ATP2A3: variants seen among roughly 807,000 people sequenced by gnomAD.
The protein encoded by ATP2A3 is ATPase sarcoplasmic/endoplasmic reticulum Ca2+ transporting 3.
A neutral mutation model predicts 106.8 loss-of-function variants in ATP2A3; 61 were observed. The observed-to-expected ratio is 0.57, with a 90% CI of 0.46 to 0.71. The LOEUF (loss-of-function observed/expected upper bound fraction) is 0.71. ATP2A3 is among the 30% of genes least tolerant of loss of function. The pLI is 0.00. For missense variants in ATP2A3, 1,201 were observed against 1,423.5 expected (o/e 0.84, Z 2.52); for synonymous variants, 611 against 609.3 (o/e 1.00, Z -0.04).
rs975802134 is a variant in ATP2A3, at chr17:3,936,863, G to A, written c.2322-394C>T. On this transcript the variant is annotated intron_variant, in intron 15 of 20. Coordinates refer to ENST00000397041, the MANE Select transcript of ATP2A3 (RefSeq NM_005173.4). The surrounding 1 kb of genome is among the most constrained non-coding windows in gnomAD (Gnocchi z 5.4). ...ACCTACATATCTGCCCTGAGGTGCAGAGATGCAGAATCCATCCATGTCCAG... is the reference window on the plus strand; with the variant it reads ...ACCTACATATCTGCCCTGAGGTGCAAAGATGCAGAATCCATCCATGTCCAG... 5.8e-6 allele frequency: 2 copies of A among 343,980 alleles called. No homozygotes were observed. The highest frequency in any genetic ancestry group is 1.1e-5 in the Non-Finnish European group (2 of 177,168). 21.3% of individuals were successfully genotyped at this position (343,980 alleles called of 1,614,324 possible). A position where few individuals can be genotyped will look rare whatever the true frequency, so the allele number is the denominator to read the frequency against.
At chr17:3,958,793 C>CACACAT (rs1431974303) in intron 1 of ATP2A3, among the ~76,000 whole-genome samples, 2 of 142,308 alleles carry the variant, frequency 1.4e-5, no homozygotes, top group African/African-American at 5.5e-5. Flanking sequence ...TATATATACA[C>CACACAT]ATATATATAC....
At chr17:3,964,096 T>G in intron 1 of ATP2A3, 78 bp downstream of exon 1, 1 of 770,040 alleles carries the variant, frequency 1.3e-6, no homozygotes. Flanking sequence ...CAGAGCCGGG[T>G]GGGGAGGCAG....
rs1223356641 is a variant in ATP2A3 at position 3,933,751 on chromosome 17, A to G, written c.2610+1441T>C. On this transcript the variant is annotated intron_variant, in intron 17 of 20. Transcript: ENST00000397041. ...ACTCCATCTCAAACAAACAAACAAA[A>G]AAAGACAGTGCGTCGGGCTGGAGCT... Among the ~76,000 whole-genome samples the G allele has an allele frequency of 3.0e-4, 46 of 151,096 alleles. 1 individual carries two copies. The highest frequency in any genetic ancestry group is 3.0e-3 in the Admixed American group (46 of 15,238).
In ATP2A3 at chr17:3,945,154, GA is replaced by G. The variant is rs2054039617; in HGVS notation, c.1096-7del. ...GCCTCGGCTACCACGAACATCTGGG[GA>G]GCGCAGGGGCGTGCTTAGGCGGGCG... On this transcript the variant is annotated splice_polypyrimidine_tract_variant and splice_region_variant and intron_variant, in intron 8 of 20. Coordinates refer to ENST00000397041, the MANE Select transcript of ATP2A3 (RefSeq NM_005173.4). The G allele has an allele frequency of 6.5e-7, 1 of 1,546,318 alleles. No homozygotes were observed. Among genetic ancestry groups the G allele is most frequent in the Admixed American group, 2.0e-5 (1 of 50,884 alleles).
intron 3 of ATP2A3, 108 bp from the exon 4 acceptor site, chr17:3,951,793 G>T (rs1351941031): frequency 2.7e-6 from 3 of 1,107,952 alleles, no homozygotes; most frequent in African/African-American, 1.5e-5. Context: ...TGGGGAGATA[G>T]CACTGGGGAG....
chr17:3,944,338 C>G (rs578093156), intron 10 of ATP2A3, among the ~76,000 whole-genome samples: 1 of 152,110 alleles, frequency 6.6e-6, no homozygotes, highest in Non-Finnish European at 1.5e-5. Context: ...TCCACTGCCC[C>G]GGCCACGTGA....
Position 3,944,818 on chromosome 17 carries a change from G to A in ATP2A3, c.1185-12C>T, listed in dbSNP as rs1205256092. The A allele has an allele frequency of 6.2e-7, 1 of 1,602,498 alleles. No homozygotes were observed. The highest frequency in any genetic ancestry group is 8.5e-7 in the Non-Finnish European group (1 of 1,174,716). Reference sequence around the variant, plus strand: ...GATCCCCCTGCCGCCTGCGGAGCCGGGGCGGTCACCAGGAGGACCTCGGCT... The same window carrying A: ...GATCCCCCTGCCGCCTGCGGAGCCGAGGCGGTCACCAGGAGGACCTCGGCT... On this transcript the variant is annotated splice_polypyrimidine_tract_variant and intron_variant, in intron 9 of 20. Coordinates refer to ENST00000397041, the MANE Select transcript of ATP2A3 (RefSeq NM_005173.4).
chr17:3,932,501 A>T (rs2053164872), intron 17 of ATP2A3, among the ~76,000 whole-genome samples: 1 of 152,154 alleles, frequency 6.6e-6, no homozygotes, highest in African/African-American at 2.4e-5. Context: ...GTGCAGTGGC[A>T]CGATCTCAGC....
At chr17:3,927,567 C>A in intron 20 of ATP2A3, 1 of 985,446 alleles carries the variant, frequency 1.0e-6, no homozygotes, top group Non-Finnish European at 1.2e-6. Context: ...CTTGGGCCCC[C>A]ATGGATGGGA....
At position 3,928,909 on chromosome 17, in the gene ATP2A3, G is replaced by A. The variant is rs189228825; in HGVS notation, c.2863-129C>T. 4.4e-5 allele frequency: 30 copies of A among 683,666 alleles called. No homozygotes were observed. The highest frequency in any genetic ancestry group is 6.3e-5 in the Non-Finnish European group (25 of 394,036). 42.3% of individuals were successfully genotyped at this position (683,666 alleles called of 1,614,324 possible). On this transcript the variant is annotated intron_variant, in intron 19 of 20. Coordinates refer to ENST00000397041, the MANE Select transcript of ATP2A3 (RefSeq NM_005173.4). The surrounding 1 kb of genome is among the most constrained non-coding windows in gnomAD (Gnocchi z 6.1). Reference sequence around the variant, plus strand: ...GAGCGCTCCTAAGAACCCCCTGGATGCACCCCCGATCTTTGTCCACTCAGC... The same window carrying A: ...GAGCGCTCCTAAGAACCCCCTGGATACACCCCCGATCTTTGTCCACTCAGC...
rs552925465 is a variant in ATP2A3 at position 3,947,308 on chromosome 17, G to A, written c.1095+83C>T. On this transcript the variant is annotated intron_variant, in intron 8 of 20. Transcript: ENST00000397041. The surrounding 1 kb of genome is among the most constrained non-coding windows in gnomAD (Gnocchi z 7.7). ...CAGATTCTCTCCTCCATCCCTCACT[G>A]AAAAGGAGGTGGGGGAGAGACCCAG... 7.9e-6 allele frequency: 12 copies of A among 1,510,438 alleles called. No individual in the cohort carries two copies. The highest frequency in any genetic ancestry group is 7.9e-5 in the South Asian group (7 of 88,192). 93.6% of individuals were successfully genotyped at this position (1,510,438 alleles called of 1,614,324 possible).
chr17:3,959,875 G>T (rs2055043929), intron 1 of ATP2A3, among the ~76,000 whole-genome samples: 1 of 152,338 alleles, frequency 6.6e-6, no homozygotes, highest in East Asian at 1.9e-4. Context: ...GAGATGAAGG[G>T]TTTGCTCAAC....
rs1369560654 is a variant in ATP2A3, at chr17:3,955,482, C to T, written c.119-1772G>A. On this transcript the variant is annotated intron_variant, in intron 1 of 20. Transcript: ENST00000397041. The surrounding 1 kb of genome is among the most constrained non-coding windows in gnomAD (Gnocchi z 4.2). ...CATTTTCCGTGGAAAATGTAATCTC[C>T]AGTGTCCTGCGTCGAGATTAAAATC... Among the ~76,000 whole-genome samples, 1 of 152,218 alleles carries T rather than the reference C, an allele frequency of 6.6e-6. No individual in the cohort carries two copies. The highest frequency in any genetic ancestry group is 1.5e-5 in the Non-Finnish European group (1 of 68,030).
intron 1 of ATP2A3, among the ~76,000 whole-genome samples, chr17:3,956,319 ATAG>A (rs1567723220): frequency 6.6e-6 from 1 of 152,080 alleles, no homozygotes; most frequent in Admixed American, 6.6e-5. Context: ...TTGTGGGCAC[ATAG>A]TAGGAGGGCA....
At chr17:3,950,183 CAG>C (rs1486470805) in intron 7 of ATP2A3, among the ~76,000 whole-genome samples, 1 of 146,436 alleles carries the variant, frequency 6.8e-6, no homozygotes, top group Non-Finnish European at 1.5e-5. Flanking sequence ...TTTTTTGAGA[CAG>C]AGTTTTGCTC....
rs1013659412 is a variant in ATP2A3, at chr17:3,941,300, G to C, written c.1771C>G (p.Leu591Val). 1 of 1,613,524 alleles carries C rather than the reference G, an allele frequency of 6.2e-7. No homozygotes were observed. The highest frequency in any genetic ancestry group is 1.3e-5 in the African/African-American group (1 of 74,942). Reference protein sequence around the residue: ...CSKFVQYETDLTFVGCVGMLD... With the variant: ...CSKFVQYETDVTFVGCVGMLD... ...ATGCCTACGCAGCCCACGAAGGTCAGGTCCGTCTGTAGGGAGGGGGCAGAT... is the reference window on the plus strand; with the variant it reads ...ATGCCTACGCAGCCCACGAAGGTCACGTCCGTCTGTAGGGAGGGGGCAGAT... Residue 591 changes from leucine to valine, a missense_variant, in exon 14 of 21, where the codon CTG (leucine) becomes GTG (valine). This residue lies in a region of ATP2A3 where 935 missense variants were observed against 1,176.7 expected (regional missense o/e 0.79). Coordinates refer to ENST00000397041, the MANE Select transcript of ATP2A3 (RefSeq NM_005173.4).
At chr17:3,946,469 C>T (rs888366458) in intron 8 of ATP2A3, among the ~76,000 whole-genome samples, 3 of 152,042 alleles carry the variant, frequency 2.0e-5, no homozygotes, top group Non-Finnish European at 4.4e-5. Context: ...GCAGGAGAAT[C>T]GCTTGAACCT....
Position 3,928,460 on chromosome 17 carries a change from G to C in ATP2A3, c.2980+203C>G. ...CCCGTTGCTGGCCCAGTGAGCCCAG[G>C]TCCCCTGCAGTGCAAGACCCTGCGG... On this transcript the variant is annotated intron_variant, in intron 20 of 20. Transcript: ENST00000397041. The surrounding 1 kb of genome is among the most constrained non-coding windows in gnomAD (Gnocchi z 6.1). The C allele has an allele frequency of 9.9e-7, 1 of 1,012,464 alleles. No individual in the cohort carries two copies. The highest frequency in any genetic ancestry group is 1.4e-5 in the South Asian group (1 of 72,832). 62.7% of individuals were successfully genotyped at this position (1,012,464 alleles called of 1,614,324 possible).
chr17:3,951,008 A>AT (rs1424204564), intron 5 of ATP2A3, among the ~76,000 whole-genome samples: 1 of 151,910 alleles, frequency 6.6e-6, no homozygotes, highest in East Asian at 1.9e-4. Context: ...GGAATGACGG[A>AT]GGCACAGAGA....
Sources: gnomAD v4.1 joint callset for allele counts (sites outside exome capture counted in the v4.1 genomes callset) on GRCh38, gnomAD v4.1.1 for gene constraint, gnomAD v4.1.1 regional missense constraint, Gnocchi (gnomAD v3.1) non-coding constraint, MANE v1.5 for transcripts, NCBI Gene and HGNC (gene_info 2026-07-23, HGNC 2026-07-21) for gene names.